The following RAB20 variants were observed in gnomAD, a reference collection of about 807,000 sequenced individuals.
RAB20 encodes the protein RAB20, member RAS oncogene family, also known as ras-related protein Rab-20.
A neutral mutation model predicts 3.7 loss-of-function variants in RAB20; 2 were observed. The ratio of observed to expected loss-of-function variants is 0.54; its 90% confidence interval spans 0.22 to 1.69. The LOEUF is 1.69. Ranked by LOEUF, RAB20 falls within the 40% of genes most tolerant of loss-of-function variation. The pLI is 0.19. For missense variants in RAB20, 276 were observed against 311.9 expected, an observed-to-expected ratio of 0.88 and a Z score of 0.87; for synonymous variants, 126 against 130.8, an observed-to-expected ratio of 0.96 and a Z score of 0.25.
chr13:110,532,078 C>T (rs563800748), intron 1 of RAB20, among the ~76,000 whole-genome samples: 15 of 152,280 alleles, frequency 9.9e-5, no homozygotes, highest in East Asian at 3.9e-4. Context: ...TCAGAAGCCA[C>T]GGACACCCTT....
chr13:110,531,021 A>C (rs1032287807), intron 1 of RAB20, among the ~76,000 whole-genome samples: 18 of 152,262 alleles, frequency 1.2e-4, no homozygotes, highest in African/African-American at 4.3e-4. Flanking sequence ...GTCCTGTATC[A>C]AGGATAGGAA....
At chr13:110,546,936 C>T (rs1209552036) in intron 1 of RAB20, among the ~76,000 whole-genome samples, 1 of 152,062 alleles carries the variant, frequency 6.6e-6, no homozygotes, top group East Asian at 1.9e-4. Flanking sequence ...GACAGGGTCT[C>T]GCTATGTTGC....
chr13:110,557,796 C>CT (rs1236317892), intron 1 of RAB20, among the ~76,000 whole-genome samples: 1 of 143,882 alleles, frequency 7.0e-6, no homozygotes, highest in Non-Finnish European at 1.6e-5. Context: ...AATGCCCCTG[C>CT]TCCCCCCGCC....
intron 1 of RAB20, among the ~76,000 whole-genome samples, chr13:110,529,805 G>A (rs867018694): frequency 6.6e-6 from 1 of 152,250 alleles, no homozygotes; most frequent in Middle Eastern, 3.4e-3. Context: ...CCAAGCAGAC[G>A]GGAGGATGGG....
chr13:110,554,964 AC>A (rs1369878913), intron 1 of RAB20, among the ~76,000 whole-genome samples: 1 of 143,850 alleles, frequency 7.0e-6, no homozygotes, highest in Non-Finnish European at 1.5e-5. Context: ...GGGCAGGAAG[AC>A]CAAGCTGTGA....
chr13:110,548,212 G>A (rs771030161), intron 1 of RAB20, among the ~76,000 whole-genome samples: 11 of 152,140 alleles, frequency 7.2e-5, no homozygotes, highest in South Asian at 2.1e-4. Context: ...GGCCGGGCAC[G>A]GTGGCTCACA....
chr13:110,533,045 C>T (rs2139577076), intron 1 of RAB20, among the ~76,000 whole-genome samples: 1 of 152,180 alleles, frequency 6.6e-6, no homozygotes, highest in East Asian at 1.9e-4. Context: ...TGGCAGGGAG[C>T]TCACAAAACA....
At chr13:110,541,782 C>T (rs1208748470) in intron 1 of RAB20, among the ~76,000 whole-genome samples, 3 of 150,380 alleles carry the variant, frequency 2.0e-5, no homozygotes, top group African/African-American at 2.4e-5. Flanking sequence ...TAGCTGACTG[C>T]GAGTTTACTT....
intron 1 of RAB20, among the ~76,000 whole-genome samples, chr13:110,534,506 C>G (rs1884605734): frequency 6.6e-6 from 1 of 152,222 alleles, no homozygotes. Flanking sequence ...CTGCCTTGCC[C>G]CTCAGCCAAA....
chr13:110,547,327 C>T (rs1415071020), intron 1 of RAB20, among the ~76,000 whole-genome samples: 4 of 152,196 alleles, frequency 2.6e-5, no homozygotes, highest in Non-Finnish European at 2.9e-5. Context: ...GAATGAAGTG[C>T]GCTTAATTCT....
chr13:110,544,954 T>G (rs1180757068), intron 1 of RAB20, among the ~76,000 whole-genome samples: 1 of 152,196 alleles, frequency 6.6e-6, no homozygotes, highest in African/African-American at 2.4e-5. Flanking sequence ...TGGTAGTAAA[T>G]AACTCTCATG....
intron 1 of RAB20, among the ~76,000 whole-genome samples, chr13:110,560,465 G>C (rs535434311): frequency 6.6e-6 from 1 of 152,098 alleles, no homozygotes; most frequent in Admixed American, 6.6e-5. Context: ...TTGGGTATAT[G>C]ACTTTTTAAG....
intron 1 of RAB20, among the ~76,000 whole-genome samples, chr13:110,547,372 T>C (rs1273422194): frequency 6.6e-6 from 1 of 152,238 alleles, no homozygotes; most frequent in South Asian, 2.1e-4. Flanking sequence ...TCTTAACACA[T>C]TGATCTCGTT....
intron 1 of RAB20, among the ~76,000 whole-genome samples, chr13:110,551,773 A>G (rs1383710458): frequency 6.6e-6 from 1 of 152,010 alleles, no homozygotes; most frequent in Non-Finnish European, 1.5e-5. Context: ...AAAGAAGGGC[A>G]ATTTGATCTG....
At chr13:110,531,421 G>C (rs1884538730) in intron 1 of RAB20, among the ~76,000 whole-genome samples, 1 of 152,172 alleles carries the variant, frequency 6.6e-6, no homozygotes, top group African/African-American at 2.4e-5. Flanking sequence ...CGCTGGGCAG[G>C]GACTGCAGAG....
In RAB20 at chr13:110,555,275, T is replaced by C. The variant is rs530959790; in HGVS notation, c.172+6073A>G. Among the ~76,000 whole-genome samples, 22 of 152,310 alleles carry C rather than the reference T, an allele frequency of 1.4e-4. 1 individual carries two copies. The highest frequency in any genetic ancestry group is 5.3e-4 in the African/African-American group (22 of 41,568). On this transcript the variant is annotated intron_variant, in intron 1 of 1. Transcript: ENST00000267328. The surrounding 1 kb of genome is among the most constrained non-coding windows in gnomAD (Gnocchi z 4.0). Reference sequence around the variant, plus strand: ...CTCCAACTACTCTAACGCGCCGGAATAGAACTCAAATGAGGCTTGAATTCC... The same window carrying C: ...CTCCAACTACTCTAACGCGCCGGAACAGAACTCAAATGAGGCTTGAATTCC...
Position 110,523,424 on chromosome 13 carries a change from G to T in RAB20, c.*241C>A. 1 of 783,296 alleles carries T rather than the reference G, an allele frequency of 1.3e-6. No homozygotes were observed. The highest frequency in any genetic ancestry group is 2.0e-6 in the Non-Finnish European group (1 of 509,644). The allele number at this position is 783,296 out of a possible 1,614,324, so 48.5% of individuals were successfully genotyped here. ...AGAGAGCACCAGGGGTCTCGACTCT[G>T]CAGATTGGGCTTTGCAGAGGATTCC... On this transcript the variant is annotated 3_prime_UTR_variant, in exon 2 of 2. Transcript: ENST00000267328.
intron 1 of RAB20, among the ~76,000 whole-genome samples, chr13:110,547,875 A>ATTTG (rs1884882319): frequency 6.6e-6 from 1 of 152,228 alleles, no homozygotes; most frequent in Non-Finnish European, 1.5e-5. Flanking sequence ...ATCAGCCTAC[A>ATTTG]CAACAGTATT....
chr13:110,554,354 C>T (rs1885003699), intron 1 of RAB20, among the ~76,000 whole-genome samples: 1 of 152,188 alleles, frequency 6.6e-6, no homozygotes. Flanking sequence ...ATGACACAGC[C>T]TCCACCCCAT....
Sources: gnomAD v4.1 joint callset for allele counts (sites outside exome capture counted in the v4.1 genomes callset) on GRCh38, gnomAD v4.1.1 for gene constraint, Gnocchi (gnomAD v3.1) non-coding constraint, MANE v1.5 for transcripts, NCBI Gene and HGNC (gene_info 2026-07-23, HGNC 2026-07-21) for gene names.